CDH17: variants seen among roughly 807,000 people sequenced by gnomAD.
CDH17 encodes the protein cadherin-17.
CDH17 carries 67 observed loss-of-function variants against 86.3 expected under a neutral mutation model. The observed-to-expected ratio is 0.78, with a 90% CI of 0.64 to 0.95. The LOEUF (loss-of-function observed/expected upper bound fraction) is 0.95. CDH17 is among the 40% of genes least tolerant of loss of function. The pLI is 0.00. For missense variants in CDH17, 993 were observed against 1,017.6 expected (o/e 0.98, Z 0.33); for synonymous variants, 367 against 366.4 (o/e 1.00, Z -0.02).
At chr8:94,136,776 C>G (rs1399502376) in intron 15 of CDH17, among the ~76,000 whole-genome samples, 2 of 152,052 alleles carry the variant, frequency 1.3e-5, no homozygotes, top group African/African-American at 4.8e-5. Flanking sequence ...CACCTTTGGT[C>G]TTTGATGTTG....
chr8:94,146,534 C>G lies in CDH17; in HGVS notation c.1928-367G>C, dbSNP rs185417325. ...AGGCATGTTAGTAGAGTTTTCTAAG[C>G]TTATTTTCTTCAGCTGTGTGGCTTT... is the stretch of plus-strand genomic sequence containing the variant. On this transcript the variant is annotated intron_variant, in intron 14 of 17. Coordinates refer to ENST00000027335, the MANE Select transcript of CDH17 (RefSeq NM_004063.4). 9.2e-5 allele frequency among the ~76,000 whole-genome samples: 14 copies of G among 152,312 alleles called. No homozygotes were observed. The East Asian group carries it at 2.5e-3, about 27-fold the overall frequency.
rs534529153 is a variant in CDH17 at position 94,136,174 on chromosome 8, G to T, written c.2168-5182C>A. ...GAGGAGTATCTTTGTGGTGGTCTCT[G>T]TATTTCCTGAATTTGAATGTTGGCC... is the stretch of plus-strand genomic sequence containing the variant. On this transcript the variant is annotated intron_variant, in intron 15 of 17. Transcript: ENST00000027335. Among the ~76,000 whole-genome samples, 15 of 152,232 alleles carry T rather than the reference G, an allele frequency of 9.9e-5. No individual in the cohort carries two copies. The South Asian group carries it at 3.1e-3, about 32-fold the overall frequency.
intron 2 of CDH17, among the ~76,000 whole-genome samples, chr8:94,190,419 A>C (rs923148439): frequency 6.6e-6 from 1 of 152,062 alleles, no homozygotes; most frequent in Non-Finnish European, 1.5e-5. Context: ...CCACAACAGC[A>C]CCTCTGAAGG....
At chr8:94,214,488 A>G (rs1247076464) in intron 1 of CDH17, among the ~76,000 whole-genome samples, 1 of 152,226 alleles carries the variant, frequency 6.6e-6, no homozygotes, top group Non-Finnish European at 1.5e-5. Flanking sequence ...ACCTCACACC[A>G]TTCAGAAAAA....
At chr8:94,180,954 A>C (rs1318903094) in intron 3 of CDH17, among the ~76,000 whole-genome samples, 2 of 151,822 alleles carry the variant, frequency 1.3e-5, no homozygotes, top group Non-Finnish European at 2.9e-5. Flanking sequence ...AAAAAAAAAA[A>C]AAAAAACAAA....
chr8:94,189,069 T>G, intron 3 of CDH17, 118 bp downstream of exon 3: 1 of 738,094 alleles, frequency 1.4e-6, no homozygotes, highest in Non-Finnish European at 2.3e-6. Flanking sequence ...GAAATCATTC[T>G]TGATAATGAG....
At chr8:94,188,154 T>A (rs1586271839) in intron 3 of CDH17, among the ~76,000 whole-genome samples, 1 of 152,148 alleles carries the variant, frequency 6.6e-6, no homozygotes, top group African/African-American at 2.4e-5. Flanking sequence ...TTATATAAAG[T>A]GGTGTATTAT....
At chr8:94,205,044 G>C (rs760393318) in intron 1 of CDH17, among the ~76,000 whole-genome samples, 8 of 152,184 alleles carry the variant, frequency 5.3e-5, no homozygotes, top group Non-Finnish European at 8.8e-5. Context: ...CACATGCTTA[G>C]TGTTCCAATA....
intron 15 of CDH17, among the ~76,000 whole-genome samples, chr8:94,137,302 A>G (rs971456870): frequency 6.6e-6 from 1 of 152,108 alleles, no homozygotes; most frequent in Non-Finnish European, 1.5e-5. Context: ...CCTCCACCCC[A>G]TTTGAGCTTC....
At position 94,164,758 on chromosome 8, in the gene CDH17, A is replaced by C. The variant is rs377712138; in HGVS notation, c.1282+1003T>G. On this transcript the variant is annotated intron_variant, in intron 10 of 17. Transcript: ENST00000027335. ...TGGTAATCGAAGATTAGTACGCATT[A>C]ACTCAAAGGACCTTCTAGGAGTCTG... 6.9e-4 allele frequency among the ~76,000 whole-genome samples: 105 copies of C among 152,328 alleles called. 3 individuals carry two copies. The South Asian group carries it at 0.019, about 28-fold the overall frequency.
intron 14 of CDH17, among the ~76,000 whole-genome samples, chr8:94,148,081 G>C (rs987736530): frequency 6.6e-6 from 1 of 152,202 alleles, no homozygotes; most frequent in South Asian, 2.1e-4. Context: ...CAGGTCAGTG[G>C]TTTGATTCCA....
chr8:94,194,387 A>T (rs1297315855), intron 2 of CDH17, among the ~76,000 whole-genome samples: 1 of 152,232 alleles, frequency 6.6e-6, no homozygotes, highest in Non-Finnish European at 1.5e-5. Context: ...CATTACCCAT[A>T]ACTGGTGTTG....
intron 9 of CDH17, among the ~76,000 whole-genome samples, chr8:94,168,120 A>ATATATATATATATATATATACG (rs1813195675): frequency 3.3e-5 from 1 of 30,402 alleles, no homozygotes; most frequent in African/African-American, 1.2e-4. Flanking sequence ...ATATATATAT[A>ATATATATATATATATATATACG]TATATATATA....
chr8:94,167,974 T>A (rs1008485194), intron 9 of CDH17, among the ~76,000 whole-genome samples: 2 of 150,828 alleles, frequency 1.3e-5, no homozygotes, highest in Non-Finnish European at 1.5e-5. Flanking sequence ...AGAGTCTAAA[T>A]TTTCTGTATG....
At chr8:94,129,373 A>T (rs570757142) in intron 17 of CDH17, among the ~76,000 whole-genome samples, 33 of 152,244 alleles carry the variant, frequency 2.2e-4, no homozygotes, top group African/African-American at 7.7e-4. Flanking sequence ...ATCACCATGC[A>T]CACATTAGGA....
intron 1 of CDH17, among the ~76,000 whole-genome samples, chr8:94,214,411 A>G (rs1283694187): frequency 6.6e-6 from 1 of 152,230 alleles, no homozygotes; most frequent in Admixed American, 6.5e-5. Flanking sequence ...ATTTCCTGGG[A>G]AAGAATACTC....
chr8:94,201,680 G>A (rs1813915226), intron 1 of CDH17, among the ~76,000 whole-genome samples: 2 of 152,270 alleles, frequency 1.3e-5, no homozygotes, highest in South Asian at 4.2e-4. Context: ...TGTTAAGGCA[G>A]CCCTAGCAAA....
At chr8:94,215,477 T>G (rs1814179565) in intron 1 of CDH17, among the ~76,000 whole-genome samples, 1 of 152,168 alleles carries the variant, frequency 6.6e-6, no homozygotes, top group African/African-American at 2.4e-5. Flanking sequence ...CGGAGTTGCC[T>G]GCAGTTGGGG....
rs1177143672 is a variant in CDH17, at chr8:94,159,247, C to G, written c.1551+724G>C. Among the ~76,000 whole-genome samples, 3 of 152,054 alleles carry G rather than the reference C, an allele frequency of 2.0e-5. No individual in the cohort carries two copies. The East Asian group carries it at 5.8e-4, about 29-fold the overall frequency. On this transcript the variant is annotated intron_variant, in intron 12 of 17. Coordinates refer to ENST00000027335, the MANE Select transcript of CDH17 (RefSeq NM_004063.4). Reference sequence around the variant, plus strand: ...GTTGGGAGAATCCTGTACAAAGAGACAGGAACCAAGGTAATTAAGACTTTG... The same window carrying G: ...GTTGGGAGAATCCTGTACAAAGAGAGAGGAACCAAGGTAATTAAGACTTTG...
Sources: allele counts gnomAD v4.1 joint callset (sites outside exome capture counted in the v4.1 genomes callset), GRCh38; gene constraint gnomAD v4.1.1; transcripts MANE v1.5; gene names NCBI Gene and HGNC (gene_info 2026-07-23, HGNC 2026-07-21).